The following SLCO5A1 variants were observed in gnomAD, a reference collection of about 807,000 sequenced individuals.
SLCO5A1 encodes the protein solute carrier organic anion transporter family member 5A1.
SLCO5A1 carries 39 observed loss-of-function variants against 65.1 expected under a neutral mutation model. That is an observed-to-expected ratio of 0.60 (90% CI 0.46 to 0.78). SLCO5A1 has a LOEUF of 0.78. Ranked by LOEUF, SLCO5A1 falls within the 30% of genes least tolerant of loss-of-function variation. The pLI is 0.00. For synonymous variants in SLCO5A1, 438 were observed against 415.7 expected, an observed-to-expected ratio of 1.05 and a Z score of -0.65; for missense variants, 1,029 against 1,069.4, an observed-to-expected ratio of 0.96 and a Z score of 0.53.
intron 2 of SLCO5A1, among the ~76,000 whole-genome samples, chr8:69,786,371 A>G (rs1204039095): frequency 6.6e-6 from 1 of 152,178 alleles, no homozygotes; most frequent in African/African-American, 2.4e-5. Flanking sequence ...ATTTTTAACT[A>G]CTTTCAGGAA....
rs958054475 is a variant in SLCO5A1 at position 69,754,697 on chromosome 8, G to T, written c.1258+727C>A. On this transcript the variant is annotated intron_variant, in intron 4 of 9. Transcript: ENST00000260126. ...TGAAATACTGAACAAATATTGTCTG[G>T]TCATGATCACTTCAAATTGTTTAGG... Among the ~76,000 whole-genome samples the T allele has an allele frequency of 1.3e-5, 2 of 152,106 alleles. 1 individual carries two copies. The highest frequency in any genetic ancestry group is 4.1e-4 in the South Asian group (2 of 4,830).
chr8:69,787,733 T>G lies in SLCO5A1; in HGVS notation c.908-25858A>C, dbSNP rs531162217. ...TGAACTAACTATTGGATCTCAAAGC[T>G]TTTAGCAGAATATAGAAGTCATAGC... On this transcript the variant is annotated intron_variant, in intron 2 of 9. Coordinates refer to ENST00000260126, the MANE Select transcript of SLCO5A1 (RefSeq NM_030958.3). Among the ~76,000 whole-genome samples, 7 of 152,312 alleles carry G rather than the reference T, an allele frequency of 4.6e-5. No homozygotes were observed. In the South Asian group the frequency reaches 1.4e-3, roughly 32 times the overall value.
chr8:69,829,353 C>G (rs1332131980), intron 2 of SLCO5A1, among the ~76,000 whole-genome samples: 1 of 152,090 alleles, frequency 6.6e-6, no homozygotes, highest in Non-Finnish European at 1.5e-5. Flanking sequence ...TTAGCCTTGC[C>G]CCTTCAAAAA....
Position 69,832,303 on chromosome 8 carries a change from A to T in SLCO5A1, c.371T>A (p.Leu124His), listed in dbSNP as rs754922954. 6.2e-7 allele frequency: 1 copy of T among 1,614,218 alleles called. No individual in the cohort carries two copies. The highest frequency in any genetic ancestry group is 1.1e-5 in the South Asian group (1 of 91,084). Reference protein sequence around the residue: ...LQERRCLYVVLTDSRCFLVCM... With the variant: ...LQERRCLYVVHTDSRCFLVCM... ...CACCAGGAAGCAACGGGAATCCGTG[A>T]GGACCACGTAGAGGCACCTTCTCTC... Residue 124 changes from leucine (L) to histidine (H), a missense_variant, in exon 2 of 10, where the codon CTC (leucine) becomes CAC (histidine). Physicochemically the swap from Leu to His is moderately conservative, Grantham distance 99 (BLOSUM62 -3). Around this residue, in one of 3 missense-constraint regions of SLCO5A1, gnomAD observed 647 missense variants for 647.5 expected, o/e 1.00. Coordinates refer to ENST00000260126, the MANE Select transcript of SLCO5A1 (RefSeq NM_030958.3). The surrounding 1 kb of genome is among the most constrained non-coding windows in gnomAD (Gnocchi z 4.5).
chr8:69,700,225 G>A (rs1483444746), intron 6 of SLCO5A1: 1 of 152,234 alleles, frequency 6.6e-6, no homozygotes, highest in African/African-American at 2.4e-5. Flanking sequence ...AGGAAAGGAG[G>A]ATATGAGAGT....
chr8:69,727,721 C>G (rs1279123273), intron 5 of SLCO5A1, among the ~76,000 whole-genome samples: 2 of 152,206 alleles, frequency 1.3e-5, no homozygotes, highest in African/African-American at 2.4e-5. Flanking sequence ...TTCCCAAAAG[C>G]TGTATAGGCT....
chr8:69,751,791 C>T (rs1388162538), intron 4 of SLCO5A1, among the ~76,000 whole-genome samples: 1 of 152,166 alleles, frequency 6.6e-6, no homozygotes. Flanking sequence ...AGGTAATCCG[C>T]CCACCTTGGC....
At chr8:69,739,081 T>G (rs1187466343) in intron 4 of SLCO5A1, among the ~76,000 whole-genome samples, 1 of 152,236 alleles carries the variant, frequency 6.6e-6, no homozygotes, top group Non-Finnish European at 1.5e-5. Flanking sequence ...GAGCTGTATG[T>G]ACTGGCATAA....
At chr8:69,730,074 A>C (rs1586734842) in intron 5 of SLCO5A1, among the ~76,000 whole-genome samples, 1 of 152,352 alleles carries the variant, frequency 6.6e-6, no homozygotes, top group African/African-American at 2.4e-5. Flanking sequence ...AGCTCACTTA[A>C]TATTTTACAG....
intron 1 of SLCO5A1, among the ~76,000 whole-genome samples, chr8:69,834,523 T>G (rs1821331652): frequency 6.6e-6 from 1 of 151,902 alleles, no homozygotes; most frequent in African/African-American, 2.4e-5. Context: ...CCAGGCGCCT[T>G]CCCGGGGAAC....
chr8:69,737,764 T>C (rs537334979), intron 5 of SLCO5A1, among the ~76,000 whole-genome samples: 88 of 152,194 alleles, frequency 5.8e-4, no homozygotes, highest in Non-Finnish European at 9.3e-4. Context: ...TGAATGTCAT[T>C]GCCTATTTCA....
intron 5 of SLCO5A1, among the ~76,000 whole-genome samples, chr8:69,714,281 AC>A (rs1390785888): frequency 6.6e-6 from 1 of 152,230 alleles, no homozygotes; most frequent in Non-Finnish European, 1.5e-5. Context: ...ATAATATTTC[AC>A]AGCATAGCTT....
intron 2 of SLCO5A1, among the ~76,000 whole-genome samples, chr8:69,804,774 C>A (rs1819919719): frequency 6.6e-6 from 1 of 152,166 alleles, no homozygotes; most frequent in Admixed American, 6.5e-5. Flanking sequence ...CACCTTACAC[C>A]TCAGAGGTGA....
chr8:69,832,016 G>C lies in SLCO5A1; in HGVS notation c.658C>G (p.Pro220Ala), dbSNP rs767922149. The C allele has an allele frequency of 4.4e-6, 7 of 1,602,910 alleles. No individual in the cohort carries two copies. In the South Asian group the frequency reaches 7.8e-5, roughly 18 times the overall value. ...TTCAACTCTTGGATCTGGTAGGGGG[G>C]CGAGATGAAGTGAGGTAAGGCGAAG... ...ALFALPHFISPPYQIQELNAS... is the reference protein window; with the variant it reads ...ALFALPHFISAPYQIQELNAS... The change falls in exon 2 of 10, where the codon CCC (proline) becomes GCC (alanine). Residue 220 changes from proline (P) to alanine (A), a missense_variant. This residue lies in a region of SLCO5A1 where 647 missense variants were observed against 647.5 expected (regional missense o/e 1.00). Transcript: ENST00000260126. This position sits in a 1 kb window ranked among gnomAD's most constrained non-coding sequence, Gnocchi z 4.5.
chr8:69,747,274 T>G (rs375957062), intron 4 of SLCO5A1, among the ~76,000 whole-genome samples: 43 of 152,280 alleles, frequency 2.8e-4, no homozygotes, highest in African/African-American at 9.6e-4. Context: ...TGGGTGCAAA[T>G]TATTGAACAG....
intron 2 of SLCO5A1, among the ~76,000 whole-genome samples, chr8:69,772,405 C>T (rs971735702): frequency 6.6e-6 from 1 of 151,660 alleles, no homozygotes; most frequent in African/African-American, 2.4e-5. Flanking sequence ...TGCCTGTAGT[C>T]CCAGCTATTT....
intron 4 of SLCO5A1, among the ~76,000 whole-genome samples, chr8:69,750,554 C>T (rs1053036767): frequency 6.6e-6 from 1 of 152,146 alleles, no homozygotes. Context: ...AGACCAACCA[C>T]AAAACGCTTG....
At position 69,772,323 on chromosome 8, in the gene SLCO5A1, C is replaced by A. The variant is rs537311979; in HGVS notation, c.908-10448G>T. Among the ~76,000 whole-genome samples the A allele has an allele frequency of 6.6e-5, 10 of 151,926 alleles. No homozygotes were observed. The East Asian group carries it at 1.9e-3, about 30-fold the overall frequency. On this transcript the variant is annotated intron_variant, in intron 2 of 9. Transcript: ENST00000260126. ...ATCATTTGAGTCCAGGAGTTCAAGA[C>A]CACCCTGGGCAACATAGTGAGACTT...
chr8:69,773,632 C>T (rs552504351), intron 2 of SLCO5A1, among the ~76,000 whole-genome samples: 2 of 152,244 alleles, frequency 1.3e-5, no homozygotes, highest in Admixed American at 6.5e-5. Context: ...CCACCCTCAA[C>T]TGTGGTGGAC....
Sources: allele counts gnomAD v4.1 joint callset (sites outside exome capture counted in the v4.1 genomes callset), GRCh38; gene constraint gnomAD v4.1.1; regional missense constraint gnomAD v4.1.1; non-coding constraint Gnocchi (gnomAD v3.1); transcripts MANE v1.5; gene names NCBI Gene and HGNC (gene_info 2026-07-23, HGNC 2026-07-21).